GSN: variants seen among roughly 807,000 people sequenced by gnomAD.
GSN encodes the protein gelsolin.
A neutral mutation model predicts 85.7 loss-of-function variants in GSN; 56 were observed. That is an observed-to-expected ratio of 0.65 (90% confidence interval 0.53 to 0.82). The LOEUF (loss-of-function observed/expected upper bound fraction) is 0.82. Among genes scored for constraint, GSN ranks in the 40% least tolerant of loss-of-function variants. The probability of loss-of-function intolerance (pLI) is 0.00; values close to 1 mark genes in which losing one functional copy is unlikely to be tolerated. For synonymous variants in GSN, 373 were observed against 399.1 expected (o/e 0.93, Z 0.78); for missense variants, 857 against 979.8 (o/e 0.87, Z 1.67).
At chr9:121,223,177 G>A (rs1217630078) in intron 4 of GSN, among the ~76,000 whole-genome samples, 2 of 152,146 alleles carry the variant, frequency 1.3e-5, no homozygotes, top group Non-Finnish European at 2.9e-5. Context: ...ATCTTGTCAG[G>A]AAGCTACTAA....
intron 5 of GSN, among the ~76,000 whole-genome samples, chr9:121,240,528 T>TG (rs2054583578): frequency 6.6e-6 from 1 of 152,234 alleles, no homozygotes; most frequent in Admixed American, 6.5e-5. Flanking sequence ...CTTTAGGGCC[T>TG]GCTTTCCAGA....
At chr9:121,239,435 T>C (rs896343137) in intron 5 of GSN, 2 of 394,330 alleles carry the variant, frequency 5.1e-6, no homozygotes, top group Admixed American at 3.1e-5. Context: ...TTTACATCCT[T>C]AGCAGCAAAT....
At chr9:121,226,069 G>C (rs2054267937) in intron 4 of GSN, among the ~76,000 whole-genome samples, 1 of 152,228 alleles carries the variant, frequency 6.6e-6, no homozygotes, top group Admixed American at 6.5e-5. Context: ...CTCCCAAAGT[G>C]CTGGGATTAC....
chr9:121,286,284 C>A, intron 2 of GSN: 1 of 756,390 alleles, frequency 1.3e-6, no homozygotes, highest in Non-Finnish European at 2.2e-6. Flanking sequence ...CCTAGTTCAA[C>A]ACCAGCCAGG....
chr9:121,201,970 G>C, the GSN span: 1 of 152,928 alleles, frequency 6.5e-6, no homozygotes, highest in Non-Finnish European at 1.5e-5. Context: ...GCCCGGAAGA[G>C]GGTGGCTGAG....
intron 4 of GSN, among the ~76,000 whole-genome samples, chr9:121,227,392 T>TAA (rs879564129): frequency 7.1e-6 from 1 of 141,090 alleles, no homozygotes; most frequent in Admixed American, 7.1e-5. Flanking sequence ...AGACTCCATC[T>TAA]AAAAAAAAAA....
chr9:121,266,837 G>T (rs1270423829), upstream of GSN, among the ~76,000 whole-genome samples: 1 of 152,178 alleles, frequency 6.6e-6, no homozygotes, highest in Non-Finnish European at 1.5e-5. Context: ...GTATTTACTG[G>T]TGTTGAACAA....
upstream of GSN, among the ~76,000 whole-genome samples, chr9:121,266,307 C>G (rs374103142): frequency 8.5e-5 from 13 of 152,346 alleles, no homozygotes; most frequent in East Asian, 1.2e-3. Flanking sequence ...GTTCCACCTC[C>G]CTTTGTCTGA....
At chr9:121,211,756 C>A (rs1448746973) in intron 4 of GSN, among the ~76,000 whole-genome samples, 1 of 152,114 alleles carries the variant, frequency 6.6e-6, no homozygotes, top group Non-Finnish European at 1.5e-5. Context: ...TCTTGCAGGG[C>A]AGTTCAAGTA....
intron 11 of GSN, 73 bp from the exon 12 acceptor site, chr9:121,324,481 C>G (rs910163061): frequency 3.8e-6 from 3 of 784,182 alleles, no homozygotes; most frequent in Non-Finnish European, 6.6e-6. Context: ...GTGTAGGTTT[C>G]TCAGACTCAG....
intron 1 of GSN, 79 bp downstream of exon 1, chr9:121,268,298 C>G (rs2055357220): frequency 6.6e-6 from 1 of 152,186 alleles, no homozygotes. Context: ...CCTTCCTTCC[C>G]GGTCCTATCT....
chr9:121,211,256 A>G (rs1268961078), intron 4 of GSN, among the ~76,000 whole-genome samples: 2 of 152,226 alleles, frequency 1.3e-5, no homozygotes, highest in African/African-American at 4.8e-5. Flanking sequence ...TGGCGGTTAT[A>G]CAACAATGTG....
intron 2 of GSN, among the ~76,000 whole-genome samples, chr9:121,296,049 G>A (rs984218372): frequency 2.0e-5 from 3 of 152,230 alleles, no homozygotes; most frequent in South Asian, 2.1e-4. Flanking sequence ...GGGCTTTCCC[G>A]GTGTCACCTC....
At chr9:121,291,311 G>A (rs1218398400) in intron 2 of GSN, among the ~76,000 whole-genome samples, 2 of 151,936 alleles carry the variant, frequency 1.3e-5, no homozygotes, top group Non-Finnish European at 2.9e-5. Context: ...TTATATATTG[G>A]TGTACAGCAT....
At chr9:121,286,090 T>C (rs2058032110) in intron 2 of GSN, 1 of 1,534,092 alleles carries the variant, frequency 6.5e-7, no homozygotes, top group African/African-American at 1.4e-5. Flanking sequence ...TAGGCTGAGA[T>C]GATTAGGTTG....
the GSN span, among the ~76,000 whole-genome samples, chr9:121,202,783 C>T: frequency 6.6e-6 from 1 of 152,138 alleles, no homozygotes; most frequent in African/African-American, 2.4e-5. Flanking sequence ...TATTATATAA[C>T]AAAATATTTT....
rs1564481095 is a variant in GSN, at chr9:121,302,165, T to G, written c.194T>G (p.Leu65Arg). Residue 65 changes from leucine (L) to arginine (R), a missense_variant and splice_region_variant, in exon 3 of 18, where the codon CTG (leucine) becomes CGG (arginine). Transcript: ENST00000432226. ...CTGCAGTATGACCTCCACTACTGGCTGGGTGAGGCTGGCCCTGCCCAGCCC... is the reference window on the plus strand; with the variant it reads ...CTGCAGTATGACCTCCACTACTGGCGGGGTGAGGCTGGCCCTGCCCAGCCC... ...GNLQYDLHYW[L>R]GNECSQDESG... 6.2e-7 allele frequency: 1 copy of G among 1,613,498 alleles called. No homozygotes were observed. Among genetic ancestry groups the G allele is most frequent in the Non-Finnish European group, 8.5e-7 (1 of 1,179,932 alleles).
intron 2 of GSN, among the ~76,000 whole-genome samples, chr9:121,288,777 G>A (rs2058390271): frequency 6.6e-6 from 1 of 152,104 alleles, no homozygotes; most frequent in African/African-American, 2.4e-5. Context: ...ACTTCTAAGG[G>A]GTGGGACCTG....
intron 5 of GSN, among the ~76,000 whole-genome samples, chr9:121,242,887 C>T (rs572998898): frequency 2.0e-5 from 3 of 152,264 alleles, no homozygotes; most frequent in African/African-American, 7.2e-5. Flanking sequence ...AGAAACCCTG[C>T]CTGCTCCTGG....
Sources: gnomAD v4.1 joint callset for allele counts (sites outside exome capture counted in the v4.1 genomes callset) on GRCh38, gnomAD v4.1.1 for gene constraint, MANE v1.5 for transcripts, NCBI Gene and HGNC (gene_info 2026-07-23, HGNC 2026-07-21) for gene names.